The following RBFOX1 variants were observed in gnomAD, a reference collection of about 807,000 sequenced individuals.
RBFOX1 encodes the protein RNA binding protein fox-1 homolog 1.
In RBFOX1, 8 loss-of-function variants were observed where a neutral mutation model predicts 57.7. The ratio of observed to expected loss-of-function variants is 0.14; its 90% confidence interval spans 0.08 to 0.25. The LOEUF is 0.25. RBFOX1 is among the 10% of genes least tolerant of loss of function. RBFOX1 has a pLI of 1.00. For synonymous variants in RBFOX1, 326 were observed against 222.4 expected (o/e 1.47, Z -4.15); for missense variants, 611 against 548.5 (o/e 1.11, Z -1.14).
At chr16:6,848,107 G>T (rs144165262) in intron 3 of RBFOX1, among the ~76,000 whole-genome samples, 41 of 152,120 alleles carry the variant, frequency 2.7e-4, no homozygotes, top group Non-Finnish European at 5.6e-4. Context: ...GCTGGGATTT[G>T]CAGGTGTGAG....
chr16:5,451,902 C>T (rs576412592), intron 1 of RBFOX1, among the ~76,000 whole-genome samples: 1 of 152,126 alleles, frequency 6.6e-6, no homozygotes, highest in African/African-American at 2.4e-5. Flanking sequence ...CCTACCTTCC[C>T]TACCTCTGGG....
intron 4 of RBFOX1, among the ~76,000 whole-genome samples, chr16:7,362,209 G>T (rs1212487595): frequency 6.7e-6 from 1 of 150,308 alleles, no homozygotes; most frequent in South Asian, 2.1e-4. Flanking sequence ...GATTGTGTTT[G>T]TTTTTTATGT....
chr16:5,936,702 A>G (rs10521082), intron 4 of RBFOX1, among the ~76,000 whole-genome samples: 5,024 of 152,296 alleles, frequency 0.033, 323 homozygotes, highest in East Asian at 0.21. Context: ...TTCCTACCTC[A>G]CCTAAATCAT....
At chr16:6,737,414 A>G (rs747596623) in intron 3 of RBFOX1, among the ~76,000 whole-genome samples, 1 of 152,194 alleles carries the variant, frequency 6.6e-6, no homozygotes, top group Admixed American at 6.5e-5. Flanking sequence ...GTAAGTGTGC[A>G]TCACAGTATT....
intron 2 of RBFOX1, among the ~76,000 whole-genome samples, chr16:6,383,950 A>C (rs767597421): frequency 1.5e-4 from 23 of 152,084 alleles, no homozygotes; most frequent in Non-Finnish European, 3.2e-4. Flanking sequence ...AAGGGGAAAA[A>C]AAAGAGAACA....
At chr16:6,676,674 T>C (rs1468388100) in intron 3 of RBFOX1, among the ~76,000 whole-genome samples, 2 of 26,388 alleles carry the variant, frequency 7.6e-5, no homozygotes, top group South Asian at 1.7e-3. Flanking sequence ...TTTTCTTTTC[T>C]TTTTTTTTTT....
At chr16:6,713,718 C>T (rs925596177) in intron 3 of RBFOX1, among the ~76,000 whole-genome samples, 1 of 152,202 alleles carries the variant, frequency 6.6e-6, no homozygotes, top group African/African-American at 2.4e-5. Flanking sequence ...ACCTCTCTTC[C>T]TCTCTCTTTC....
chr16:7,100,894 A>G (rs1315710325), intron 4 of RBFOX1, among the ~76,000 whole-genome samples: 2 of 152,226 alleles, frequency 1.3e-5, no homozygotes, highest in Non-Finnish European at 2.9e-5. Flanking sequence ...ACTGCTAAAC[A>G]TTTTTAGAGG....
chr16:7,144,519 G>C lies in RBFOX1; in HGVS notation c.27+92421G>C, dbSNP rs2127068. 6.3e-3 allele frequency among the ~76,000 whole-genome samples: 886 copies of C among 141,086 alleles called. 13 individuals carry two copies. Among genetic ancestry groups the C allele is most frequent in the African/African-American group, 0.023 (857 of 37,850 alleles). The allele number at this position is 141,086 out of a possible 152,430, so 92.6% of individuals were successfully genotyped here. Reference sequence around the variant, plus strand: ...AGCTCACTGCAGCCTTAACGTCCCAGGCTCAAGCGATGTTCCTGCCTCAGC... The same window carrying C: ...AGCTCACTGCAGCCTTAACGTCCCACGCTCAAGCGATGTTCCTGCCTCAGC... On this transcript the variant is annotated intron_variant, in intron 4 of 15. Transcript: ENST00000550418.
At chr16:7,291,361 A>G (rs896380879) in intron 4 of RBFOX1, among the ~76,000 whole-genome samples, 7 of 152,180 alleles carry the variant, frequency 4.6e-5, no homozygotes, top group African/African-American at 1.7e-4. Flanking sequence ...AAAGGAACTT[A>G]CCTAAGTATA....
At chr16:6,227,091 T>A (rs1489870564) in intron 1 of RBFOX1, among the ~76,000 whole-genome samples, 1 of 151,692 alleles carries the variant, frequency 6.6e-6, no homozygotes, top group African/African-American at 2.4e-5. Context: ...GCCACTGAAC[T>A]CCAGCGTAGG....
rs537483627 is a variant in RBFOX1, at chr16:6,955,296, G to C, written c.-15-96761G>C. Among the ~76,000 whole-genome samples, 14 of 151,926 alleles carry C rather than the reference G, an allele frequency of 9.2e-5. No individual in the cohort carries two copies. In the South Asian group the frequency reaches 2.9e-3, roughly 32 times the overall value. On this transcript the variant is annotated intron_variant, in intron 3 of 15. Coordinates refer to ENST00000550418, the MANE Select transcript of RBFOX1 (RefSeq NM_018723.4). ...CTAGAACTCCCTAGCGTACGATTAA[G>C]TAAGTTATCAATAATTTTTTTCTCT...
At chr16:5,499,282 G>T (rs1305158344) in intron 2 of RBFOX1, among the ~76,000 whole-genome samples, 5 of 152,192 alleles carry the variant, frequency 3.3e-5, no homozygotes, top group Non-Finnish European at 7.3e-5. Flanking sequence ...AGGAATGACT[G>T]ACTTCTGTAG....
intron 3 of RBFOX1, among the ~76,000 whole-genome samples, chr16:6,864,545 C>A (rs114275810): frequency 6.8e-6 from 1 of 146,340 alleles, no homozygotes; most frequent in South Asian, 2.2e-4. Flanking sequence ...TCTCTCCTTC[C>A]TCTTTTTTTT....
chr16:7,682,907 A>G (rs1171441888), intron 14 of RBFOX1, among the ~76,000 whole-genome samples: 1 of 146,418 alleles, frequency 6.8e-6, no homozygotes, highest in Admixed American at 6.9e-5. Context: ...ATTGTCCTAG[A>G]CAGCTTTCGG....
intron 1 of RBFOX1, among the ~76,000 whole-genome samples, chr16:6,253,376 G>T (rs1424847005): frequency 6.6e-6 from 1 of 152,152 alleles, no homozygotes; most frequent in Non-Finnish European, 1.5e-5. Flanking sequence ...CAACTTGCAT[G>T]CATGAACTCC....
Position 5,804,924 on chromosome 16 carries a change from C to G in RBFOX1, c.319-62379C>G, listed in dbSNP as rs149042804. Among the ~76,000 whole-genome samples the G allele has an allele frequency of 1.8e-4, 28 of 152,246 alleles. 1 individual carries two copies. Among genetic ancestry groups the G allele is most frequent in the African/African-American group, 6.7e-4 (28 of 41,532 alleles). On this transcript the variant is annotated intron_variant, in intron 3 of 19. Coordinates refer to the RBFOX1 transcript ENST00000641259. ...CTCTTGAGAAATGTTTTTGCCACTA[C>G]CAGCATTTCTCTGACAGGTTTTTAA... is the stretch of plus-strand genomic sequence containing the variant.
intron 3 of RBFOX1, among the ~76,000 whole-genome samples, chr16:6,811,315 G>C (rs1202634157): frequency 6.6e-6 from 1 of 152,162 alleles, no homozygotes; most frequent in Non-Finnish European, 1.5e-5. Context: ...AAATAGAATT[G>C]AACCCAGTAA....
intron 3 of RBFOX1, among the ~76,000 whole-genome samples, chr16:6,682,029 C>G (rs146880006): frequency 0.01 from 1,547 of 152,334 alleles, 8 homozygotes; most frequent in Non-Finnish European, 0.017. Flanking sequence ...TTACTCCTGA[C>G]TGAGAACTCT....
Sources: gnomAD v4.1 joint callset for allele counts (sites outside exome capture counted in the v4.1 genomes callset) on GRCh38, gnomAD v4.1.1 for gene constraint, MANE v1.5 for transcripts, NCBI Gene and HGNC (gene_info 2026-07-23, HGNC 2026-07-21) for gene names.